Variants in ASTN2 observed in about 807,000 individuals in gnomAD.
ASTN2 encodes astrotactin-2.
A neutral mutation model predicts 139.8 loss-of-function variants in ASTN2; 54 were observed. That is an observed-to-expected ratio of 0.39 (90% CI 0.31 to 0.48). The LOEUF is 0.48. Among genes scored for constraint, ASTN2 ranks in the 20% least tolerant of loss-of-function variants. The pLI is 0.95. For synonymous variants in ASTN2, 756 were observed against 719.5 expected (o/e 1.05, Z -0.81); for missense variants, 1,565 against 1,725.1 (o/e 0.91, Z 1.64).
chr9:117,120,057 G>GTA (rs1829517099), intron 4 of ASTN2, among the ~76,000 whole-genome samples: 1 of 73,432 alleles, frequency 1.4e-5, no homozygotes, highest in African/African-American at 5.2e-5. Flanking sequence ...TATACCCTGA[G>GTA]TATATATACT....
rs1448307456 is a variant in ASTN2, at chr9:116,699,531, A to G, written c.2806+26240T>C. 5.0e-6 allele frequency: 8 copies of G among 1,614,052 alleles called. No homozygotes were observed. Among genetic ancestry groups the G allele is most frequent in the African/African-American group, 1.3e-5 (1 of 74,912 alleles). ...TCTCATCGTGGCTGACAGTAGTCGC[A>G]AGGAAATTCTCCATTTTCCTAAGGG... On this transcript the variant is annotated intron_variant, in intron 16 of 22. Transcript: ENST00000313400. This position sits in a 1 kb window ranked among gnomAD's most constrained non-coding sequence, Gnocchi z 4.2.
intron 5 of ASTN2, among the ~76,000 whole-genome samples, chr9:117,052,798 G>A (rs578094150): frequency 1.3e-5 from 2 of 152,356 alleles, no homozygotes; most frequent in South Asian, 2.1e-4. Context: ...GCTCAGGGAA[G>A]AGAAGTGCTT....
intron 6 of ASTN2, among the ~76,000 whole-genome samples, chr9:117,023,002 C>T (rs751903659): frequency 6.6e-6 from 1 of 150,830 alleles, no homozygotes; most frequent in Non-Finnish European, 1.5e-5. Flanking sequence ...ACGACAACAA[C>T]AACAACAAAA....
intron 3 of ASTN2, among the ~76,000 whole-genome samples, chr9:117,156,756 CA>C (rs1259819677): frequency 6.6e-6 from 1 of 152,000 alleles, no homozygotes; most frequent in Non-Finnish European, 1.5e-5. Flanking sequence ...AAAGGCAGGT[CA>C]GACCACTGAC....
In ASTN2 at chr9:116,867,456, A is replaced by G. The variant is rs1017085906; in HGVS notation, c.1890-3723T>C. ...TCCCAGCTACTTGGGAGGCTGAGGC[A>G]GGATAATGGCGTGAACCCGGGAGGC... On this transcript the variant is annotated intron_variant, in intron 10 of 22. Transcript: ENST00000313400. Among the ~76,000 whole-genome samples the G allele has an allele frequency of 1.0e-4, 15 of 149,450 alleles. No homozygotes were observed. The South Asian group carries it at 2.8e-3, about 28-fold the overall frequency.
chr9:117,007,992 A>T, intron 7 of ASTN2, 100 bp downstream of exon 7: 1 of 1,294,736 alleles, frequency 7.7e-7, no homozygotes, highest in Non-Finnish European at 1.0e-6. Flanking sequence ...CCACTTGTCA[A>T]TGGCTCAGAA....
intron 19 of ASTN2, among the ~76,000 whole-genome samples, chr9:116,616,112 A>C (rs1855840597): frequency 6.6e-6 from 1 of 152,242 alleles, no homozygotes; most frequent in African/African-American, 2.4e-5. Context: ...TTGGAAAGAA[A>C]GAAATATAAT....
intron 16 of ASTN2, among the ~76,000 whole-genome samples, chr9:116,684,247 T>C (rs1246189418): frequency 2.6e-5 from 4 of 152,220 alleles, no homozygotes; most frequent in Non-Finnish European, 5.9e-5. Flanking sequence ...AAAATAATTA[T>C]TCTTGCTGCA....
chr9:117,343,660 T>A (rs1829126325), intron 1 of ASTN2, among the ~76,000 whole-genome samples: 1 of 152,156 alleles, frequency 6.6e-6, no homozygotes, highest in South Asian at 2.1e-4. Flanking sequence ...ATGCCCTAGA[T>A]GACTCAGCTA....
intron 3 of ASTN2, among the ~76,000 whole-genome samples, chr9:117,187,820 C>T (rs1345875113): frequency 2.0e-5 from 3 of 152,182 alleles, no homozygotes; most frequent in Non-Finnish European, 4.4e-5. Flanking sequence ...AGAAAACAGA[C>T]TAAGACACAA....
In ASTN2 at chr9:117,041,094, G is replaced by A. The variant is rs528413734; in HGVS notation, c.1277-1129C>T. 2.0e-4 allele frequency among the ~76,000 whole-genome samples: 30 copies of A among 152,272 alleles called. No individual in the cohort carries two copies. The East Asian group carries it at 5.8e-3, about 29-fold the overall frequency. On this transcript the variant is annotated intron_variant, in intron 5 of 22. Transcript: ENST00000313400. Reference sequence around the variant, plus strand: ...CTCTGAAAATTAAAGACAATTTTATGGATATAATACGAAAAGTAGATTGGA... The same window carrying A: ...CTCTGAAAATTAAAGACAATTTTATAGATATAATACGAAAAGTAGATTGGA...
chr9:117,305,954 CTT>C (rs1834988805), intron 1 of ASTN2, among the ~76,000 whole-genome samples: 1 of 152,186 alleles, frequency 6.6e-6, no homozygotes, highest in South Asian at 2.1e-4. Flanking sequence ...AAATAAATTG[CTT>C]TTACTCCAGT....
intron 19 of ASTN2, among the ~76,000 whole-genome samples, chr9:116,530,941 CT>C (rs1397562227): frequency 1.3e-5 from 2 of 152,088 alleles, no homozygotes; most frequent in Non-Finnish European, 2.9e-5. Flanking sequence ...TGACATGCAA[CT>C]GGCACTAAAT....
At chr9:116,965,579 G>C (rs1442203003) in intron 10 of ASTN2, among the ~76,000 whole-genome samples, 3 of 152,196 alleles carry the variant, frequency 2.0e-5, no homozygotes, top group Non-Finnish European at 4.4e-5. Flanking sequence ...ATCATGGAAT[G>C]ATACAGAGAG....
intron 10 of ASTN2, among the ~76,000 whole-genome samples, chr9:116,884,805 C>CG (rs1564322167): frequency 2.1e-5 from 2 of 95,754 alleles, no homozygotes; most frequent in African/African-American, 1.1e-4. Flanking sequence ...AAATATCCGC[C>CG]CCCCCCCCAC....
intron 2 of ASTN2, among the ~76,000 whole-genome samples, chr9:117,252,250 C>T (rs1833559271): frequency 6.6e-6 from 1 of 152,190 alleles, no homozygotes; most frequent in East Asian, 1.9e-4. Context: ...AATTCTTCCT[C>T]CTTGCTTTGT....
chr9:116,874,127 G>C (rs1304274221), intron 10 of ASTN2, among the ~76,000 whole-genome samples: 1 of 152,132 alleles, frequency 6.6e-6, no homozygotes, highest in Non-Finnish European at 1.5e-5. Context: ...GACAGAGCTG[G>C]GTTCCACCCT....
intron 5 of ASTN2, among the ~76,000 whole-genome samples, chr9:117,089,674 C>T (rs1028733429): frequency 6.6e-6 from 1 of 150,686 alleles, no homozygotes; most frequent in Admixed American, 6.6e-5. Context: ...TTATCCCTCG[C>T]CCCCCTCCCA....
intron 5 of ASTN2, among the ~76,000 whole-genome samples, chr9:117,090,278 G>C (rs546128270): frequency 2.0e-5 from 3 of 152,152 alleles, no homozygotes; most frequent in Non-Finnish European, 2.9e-5. Flanking sequence ...GAAAAATGTT[G>C]CTGGCCCCTT....
Sources: allele counts gnomAD v4.1 joint callset (sites outside exome capture counted in the v4.1 genomes callset), GRCh38; gene constraint gnomAD v4.1.1; non-coding constraint Gnocchi (gnomAD v3.1); transcripts MANE v1.5; gene names NCBI Gene and HGNC (gene_info 2026-07-23, HGNC 2026-07-21).